The following PDILT variants were observed in gnomAD, a reference collection of about 807,000 sequenced individuals.
The protein encoded by PDILT is protein disulfide-isomerase-like protein of the testis.
A neutral mutation model predicts 53.7 loss-of-function variants in PDILT; 43 were observed. The ratio of observed to expected loss-of-function variants is 0.80; its 90% CI spans 0.63 to 1.03. The LOEUF (loss-of-function observed/expected upper bound fraction) is 1.03, where lower values mean the gene tolerates loss of function less well. Among genes scored for constraint, PDILT ranks in the 50% least tolerant of loss-of-function variants. The pLI, the probability that PDILT is intolerant of heterozygous loss-of-function variation, is 0.00. For missense variants in PDILT, 727 were observed against 712.3 expected, an observed-to-expected ratio of 1.02 and a Z score of -0.24; for synonymous variants, 282 against 274.2, an observed-to-expected ratio of 1.03 and a Z score of -0.28.
Position 20,373,199 on chromosome 16 carries a change from T to G in PDILT, c.682-77A>C, listed in dbSNP as rs1366341599. 4.1e-6 allele frequency: 5 copies of G among 1,221,782 alleles called. No individual in the cohort carries two copies. The Admixed American group carries it at 9.0e-5, about 22-fold the overall frequency. 75.7% of individuals were successfully genotyped at this position (1,221,782 alleles called of 1,614,324 possible). A position where few individuals can be genotyped will look rare whatever the true frequency, so the allele number is the denominator to read the frequency against. On this transcript the variant is annotated intron_variant, in intron 5 of 11. Coordinates refer to ENST00000302451, the MANE Select transcript of PDILT (RefSeq NM_174924.2). The stretch of plus-strand genomic sequence containing the variant: ...CACTTAATAAATATAAATAGCACAA[T>G]TTTCTCCTTGGATAAAAGGAAAGCA...
At chr16:20,375,616 C>G (rs1263422267) in intron 4 of PDILT, among the ~76,000 whole-genome samples, 1 of 152,166 alleles carries the variant, frequency 6.6e-6, no homozygotes, top group Non-Finnish European at 1.5e-5. Flanking sequence ...TTATGTTCTT[C>G]CCCAAACATC....
chr16:20,369,784 G>C (rs1362789182), intron 7 of PDILT, 95 bp from the exon 8 acceptor site: 1 of 1,251,980 alleles, frequency 8.0e-7, no homozygotes, highest in African/African-American at 1.5e-5. Context: ...CACATGGTGG[G>C]GTCTGTGGAG....
chr16:20,376,800 CA>C (rs1966395023), intron 3 of PDILT, among the ~76,000 whole-genome samples: 1 of 152,226 alleles, frequency 6.6e-6, no homozygotes, highest in South Asian at 2.1e-4. Flanking sequence ...GTCAAGCACA[CA>C]AAAGTCTTAG....
At chr16:20,385,011 T>C (rs1019818657) in intron 2 of PDILT, among the ~76,000 whole-genome samples, 160 bp from the exon 3 acceptor site, 7 of 152,206 alleles carry the variant, frequency 4.6e-5, no homozygotes, top group African/African-American at 1.7e-4. Flanking sequence ...ACACAATGGT[T>C]CATGAAATTA....
chr16:20,379,324 C>G (rs60261667), intron 3 of PDILT, among the ~76,000 whole-genome samples: 1 of 152,068 alleles, frequency 6.6e-6, no homozygotes, highest in African/African-American at 2.4e-5. Flanking sequence ...CAGGCACGTG[C>G]CACCACACCC....
intron 5 of PDILT, among the ~76,000 whole-genome samples, 198 bp from the exon 6 acceptor site, chr16:20,373,320 C>T (rs1400966347): frequency 2.0e-5 from 3 of 152,090 alleles, no homozygotes; most frequent in Non-Finnish European, 4.4e-5. Context: ...GGGTAGGTGA[C>T]AGCCATGAAA....
intron 2 of PDILT, among the ~76,000 whole-genome samples, chr16:20,396,979 C>A (rs1966669779): frequency 6.6e-6 from 1 of 152,188 alleles, no homozygotes; most frequent in Admixed American, 6.5e-5. Context: ...GAATTATTAA[C>A]CTTGTTGTAC....
intron 2 of PDILT, among the ~76,000 whole-genome samples, chr16:20,395,668 G>A (rs541616828): frequency 6.6e-6 from 1 of 152,236 alleles, no homozygotes; most frequent in South Asian, 2.1e-4. Context: ...TGTTAGAGTG[G>A]GGCCTAATAG....
intron 3 of PDILT, among the ~76,000 whole-genome samples, chr16:20,381,991 T>C (rs957077082): frequency 6.6e-6 from 1 of 152,138 alleles, no homozygotes; most frequent in African/African-American, 2.4e-5. Flanking sequence ...CACAAATTCC[T>C]GGGTTCAAGC....
chr16:20,397,982 C>A (rs571855150), intron 2 of PDILT, among the ~76,000 whole-genome samples: 1 of 152,294 alleles, frequency 6.6e-6, no homozygotes, highest in South Asian at 2.1e-4. Flanking sequence ...GAACATGGGA[C>A]AACATGGGGT....
intron 2 of PDILT, among the ~76,000 whole-genome samples, chr16:20,392,373 T>A (rs984255325): frequency 1.3e-5 from 2 of 152,008 alleles, no homozygotes; most frequent in African/African-American, 4.8e-5. Context: ...GCAAAGAACA[T>A]TGAGAGGAAA....
chr16:20,376,714 T>G (rs1020469171), intron 3 of PDILT, among the ~76,000 whole-genome samples: 3 of 152,274 alleles, frequency 2.0e-5, no homozygotes, highest in South Asian at 2.1e-4. Flanking sequence ...GCAGCCCCCA[T>G]TCCTCAGCTG....
intron 8 of PDILT, among the ~76,000 whole-genome samples, chr16:20,367,027 CTT>C (rs1463466624): frequency 0.1 from 623 of 6,224 alleles, 51 homozygotes; most frequent in Middle Eastern, 0.38. Context: ...TCTCTTTCTT[CTT>C]TCTTTCTTTC....
intron 3 of PDILT, among the ~76,000 whole-genome samples, chr16:20,377,619 A>G (rs1567325215): frequency 6.6e-6 from 1 of 152,214 alleles, no homozygotes; most frequent in East Asian, 1.9e-4. Context: ...TGTGAAGTCA[A>G]GGAGGACTTC....
At chr16:20,365,636 G>A (rs72776676) in intron 8 of PDILT, 96 bp from the exon 9 acceptor site, 170 of 1,453,822 alleles carry the variant, frequency 1.2e-4, no homozygotes, top group Admixed American at 3.5e-4. Flanking sequence ...AGGTTTTCTC[G>A]TGTTTTTTTC....
chr16:20,401,920 T>C (rs1176530187), intron 1 of PDILT, among the ~76,000 whole-genome samples: 1 of 152,214 alleles, frequency 6.6e-6, no homozygotes, highest in Admixed American at 6.5e-5. Context: ...GGCTGGATCA[T>C]AAGCCTCAAA....
At chr16:20,384,119 T>C (rs944388387) in intron 3 of PDILT, among the ~76,000 whole-genome samples, 2 of 152,190 alleles carry the variant, frequency 1.3e-5, no homozygotes, top group Non-Finnish European at 2.9e-5. Context: ...TAGGACTCTG[T>C]CAAATCATTC....
intron 10 of PDILT, among the ~76,000 whole-genome samples, 162 bp from the exon 11 acceptor site, chr16:20,360,819 A>G (rs1966089494): frequency 6.6e-6 from 1 of 152,204 alleles, no homozygotes; most frequent in Non-Finnish European, 1.5e-5. Flanking sequence ...TTCCAAGGGA[A>G]GGATAATAAA....
chr16:20,364,754 A>T (rs1256129475), intron 9 of PDILT, among the ~76,000 whole-genome samples: 1 of 152,222 alleles, frequency 6.6e-6, no homozygotes, highest in South Asian at 2.1e-4. Flanking sequence ...AGTAATTATA[A>T]TGATAGGAAT....
Sources: gnomAD v4.1 joint callset for allele counts (sites outside exome capture counted in the v4.1 genomes callset) on GRCh38, gnomAD v4.1.1 for gene constraint, MANE v1.5 for transcripts, NCBI Gene and HGNC (gene_info 2026-07-23, HGNC 2026-07-21) for gene names.